Variants in GRID2 observed in about 807,000 individuals in gnomAD.
GRID2 encodes glutamate receptor ionotropic, delta-2.
GRID2 carries 33 observed loss-of-function variants against 114.8 expected under a neutral mutation model. The ratio of observed to expected loss-of-function variants is 0.29; its 90% CI spans 0.22 to 0.38. The LOEUF is 0.38. GRID2 is among the 10% of genes least tolerant of loss of function. GRID2 has a pLI of 1.00. For synonymous variants in GRID2, 505 were observed against 449.9 expected (o/e 1.12, Z -1.55); for missense variants, 1,184 against 1,257.7 (o/e 0.94, Z 0.89).
chr4:93,153,672 G>A (rs563413305), intron 4 of GRID2, among the ~76,000 whole-genome samples: 4 of 152,178 alleles, frequency 2.6e-5, no homozygotes, highest in East Asian at 3.9e-4. Flanking sequence ...TAGTGTCCCA[G>A]TTTAGAAGGA....
chr4:93,205,392 G>C (rs935014560), intron 4 of GRID2, among the ~76,000 whole-genome samples: 1 of 152,078 alleles, frequency 6.6e-6, no homozygotes, highest in Admixed American at 6.6e-5. Flanking sequence ...CCACCTATGA[G>C]TAAGAACATG....
chr4:92,434,188 C>A (rs957105943), intron 1 of GRID2, among the ~76,000 whole-genome samples: 1 of 152,150 alleles, frequency 6.6e-6, no homozygotes, highest in African/African-American at 2.4e-5. Flanking sequence ...TTATTCTCAG[C>A]AACATCCTTT....
chr4:92,600,044 GTATATATATATATATATATA>G (rs70942915), intron 2 of GRID2, among the ~76,000 whole-genome samples: 2,073 of 54,492 alleles, frequency 0.038, 131 homozygotes, highest in African/African-American at 0.13. Flanking sequence ...GTGTGTGTGT[GTATATATATATATATATATA>G]TATATATATA....
intron 6 of GRID2, among the ~76,000 whole-genome samples, chr4:93,219,583 G>T (rs1026792111): frequency 2.6e-5 from 4 of 152,114 alleles, no homozygotes; most frequent in Admixed American, 6.6e-5. Flanking sequence ...CATAGACAGA[G>T]AAGTAAAATT....
intron 10 of GRID2, among the ~76,000 whole-genome samples, chr4:93,438,879 G>A (rs991135625): frequency 8.8e-5 from 11 of 124,592 alleles, no homozygotes; most frequent in African/African-American, 2.4e-4. Context: ...TCCCCTTCCC[G>A]TGTCCATGTG....
intron 2 of GRID2, chr4:92,822,768 A>G (rs548065035): frequency 4.4e-4 from 70 of 159,870 alleles, no homozygotes; most frequent in Non-Finnish European, 7.9e-4. Flanking sequence ...ATGCTGTGGG[A>G]TGCCATAGTT....
rs199728067 is a variant in GRID2, at chr4:93,085,202, A to T, written c.452A>T (p.Tyr151Phe). The change falls in exon 3 of 16, where the codon TAC (tyrosine) becomes TTC (phenylalanine). Residue 151 changes from tyrosine (Y) to phenylalanine (F), a missense_variant. Tyr to Phe is a conservative substitution (Grantham distance 22). Transcript: ENST00000282020. ...DYTLSVRPPV[Y>F]LHDVILRVVT... ...ACTCTCTCAGTTCGCCCACCTGTCT[A>T]CTTGCATGATGTTATCCTAAGAGTG... 4 of 1,613,906 alleles carry T rather than the reference A, an allele frequency of 2.5e-6. No individual in the cohort carries two copies. The highest frequency in any genetic ancestry group is 3.4e-6 in the Non-Finnish European group (4 of 1,179,762).
intron 2 of GRID2, among the ~76,000 whole-genome samples, chr4:92,840,994 C>T (rs1742850404): frequency 6.6e-6 from 1 of 152,014 alleles, no homozygotes. Context: ...ACTGAAACAA[C>T]TGCTTTCCCA....
At chr4:93,366,767 G>T (rs561913019) in intron 8 of GRID2, among the ~76,000 whole-genome samples, 41 of 152,010 alleles carry the variant, frequency 2.7e-4, no homozygotes, top group African/African-American at 9.4e-4. Flanking sequence ...TTTGTACTCT[G>T]TCCCTTTATT....
intron 8 of GRID2, among the ~76,000 whole-genome samples, chr4:93,279,243 A>G (rs1752393676): frequency 6.6e-6 from 1 of 151,762 alleles, no homozygotes; most frequent in Non-Finnish European, 1.5e-5. Flanking sequence ...TTTTTACTTT[A>G]AAATTACATA....
intron 2 of GRID2, among the ~76,000 whole-genome samples, chr4:92,984,076 TA>T (rs1370737598): frequency 6.6e-6 from 1 of 152,224 alleles, no homozygotes; most frequent in Non-Finnish European, 1.5e-5. Flanking sequence ...ATGTTTCTTC[TA>T]ATTCAAATAA....
chr4:93,743,413 A>C (rs886301876), intron 14 of GRID2, among the ~76,000 whole-genome samples: 5 of 152,264 alleles, frequency 3.3e-5, no homozygotes, highest in Non-Finnish European at 5.9e-5. Context: ...TTTTCAATGT[A>C]GACGAAACAG....
At chr4:93,106,309 G>A (rs1379872471) in intron 3 of GRID2, among the ~76,000 whole-genome samples, 1 of 152,128 alleles carries the variant, frequency 6.6e-6, no homozygotes, top group East Asian at 1.9e-4. Flanking sequence ...GTGTGATGAT[G>A]TTTGTGTTCA....
At chr4:93,272,754 A>G (rs758373539) in intron 8 of GRID2, among the ~76,000 whole-genome samples, 3 of 152,148 alleles carry the variant, frequency 2.0e-5, no homozygotes, top group Non-Finnish European at 2.9e-5. Flanking sequence ...CTACTGTAAT[A>G]ATGGTCCAGC....
intron 14 of GRID2, among the ~76,000 whole-genome samples, chr4:93,745,520 G>A (rs1178092427): frequency 1.3e-5 from 2 of 151,906 alleles, no homozygotes; most frequent in Non-Finnish European, 2.9e-5. Flanking sequence ...GGAGATAAGA[G>A]TACCAAAGGG....
intron 13 of GRID2, among the ~76,000 whole-genome samples, chr4:93,554,752 T>C (rs995894569): frequency 1.3e-5 from 2 of 152,100 alleles, no homozygotes; most frequent in Non-Finnish European, 2.9e-5. Flanking sequence ...TATGACCCCA[T>C]GGCTGGTGAG....
At chr4:92,440,660 C>A (rs1254068947) in intron 1 of GRID2, among the ~76,000 whole-genome samples, 1 of 151,940 alleles carries the variant, frequency 6.6e-6, no homozygotes, top group Non-Finnish European at 1.5e-5. Context: ...GTGGCTTGTA[C>A]TATAGCATAA....
intron 2 of GRID2, among the ~76,000 whole-genome samples, chr4:93,021,032 CAA>C (rs1204464402): frequency 1.1e-4 from 12 of 104,984 alleles, no homozygotes; most frequent in African/African-American, 1.8e-4. Flanking sequence ...GAATTTGTCT[CAA>C]AAAAAAAAAA....
intron 14 of GRID2, among the ~76,000 whole-genome samples, chr4:93,705,980 A>G (rs1419320272): frequency 6.6e-6 from 1 of 152,026 alleles, no homozygotes; most frequent in East Asian, 1.9e-4. Context: ...GTTGGAAGTG[A>G]GCTCACTGTG....
Sources: gnomAD v4.1 joint callset for allele counts (sites outside exome capture counted in the v4.1 genomes callset) on GRCh38, gnomAD v4.1.1 for gene constraint, MANE v1.5 for transcripts, NCBI Gene and HGNC (gene_info 2026-07-23, HGNC 2026-07-21) for gene names.